CFAP57: variants seen among roughly 807,000 people sequenced by gnomAD.
The protein encoded by CFAP57 is cilia- and flagella-associated protein 57.
In CFAP57, 116 loss-of-function variants were observed where a neutral mutation model predicts 146.8. The observed-to-expected ratio is 0.79, with a 90% CI of 0.68 to 0.92. The LOEUF (loss-of-function observed/expected upper bound fraction) is 0.92, where lower values mean the gene tolerates loss of function less well. Ranked by LOEUF, CFAP57 falls within the 40% of genes least tolerant of loss-of-function variation. The pLI, the probability that CFAP57 is intolerant of heterozygous loss-of-function variation, is 0.00. For synonymous variants in CFAP57, 518 were observed against 552.8 expected, an observed-to-expected ratio of 0.94 and a Z score of 0.88; for missense variants, 1,377 against 1,527.2, an observed-to-expected ratio of 0.90 and a Z score of 1.64.
At chr1:43,222,739 A>T in intron 15 of CFAP57, 85 bp from the exon 16 acceptor site, 1 of 1,422,596 alleles carries the variant, frequency 7.0e-7, no homozygotes, top group South Asian at 1.6e-5. Flanking sequence ...ACAGGTCCCC[A>T]TGCTCATCTC....
chr1:43,174,001 A>G (rs1035807039), intron 2 of CFAP57, among the ~76,000 whole-genome samples: 15 of 152,240 alleles, frequency 9.9e-5, no homozygotes, highest in African/African-American at 3.1e-4. Flanking sequence ...GCATTTTGCT[A>G]TCATTAATGA....
At chr1:43,206,667 T>G in intron 9 of CFAP57, 53 bp from the exon 10 acceptor site, 1 of 1,586,176 alleles carries the variant, frequency 6.3e-7, no homozygotes, top group Non-Finnish European at 8.7e-7. Context: ...TTTTCTGTGT[T>G]AGGGTGTAAG....
At chr1:43,180,472 C>T (rs1569831454) in intron 2 of CFAP57, among the ~76,000 whole-genome samples, 1 of 151,874 alleles carries the variant, frequency 6.6e-6, no homozygotes, top group Non-Finnish European at 1.5e-5. Context: ...GGGCAGGGAG[C>T]GTGAGTGAGG....
At chr1:43,213,052 T>C (rs1474913651) in intron 11 of CFAP57, among the ~76,000 whole-genome samples, 1 of 152,164 alleles carries the variant, frequency 6.6e-6, no homozygotes, top group Non-Finnish European at 1.5e-5. Context: ...TCTTCCCTAG[T>C]ATCTATCATG....
intron 21 of CFAP57, among the ~76,000 whole-genome samples, chr1:43,239,425 C>G (rs1645824331): frequency 6.6e-6 from 1 of 150,446 alleles, no homozygotes; most frequent in Non-Finnish European, 1.5e-5. Flanking sequence ...CCAGAAATCC[C>G]AATCACAGTG....
At chr1:43,247,487 A>T (rs533962568) in intron 22 of CFAP57, among the ~76,000 whole-genome samples, 53 of 152,358 alleles carry the variant, frequency 3.5e-4, no homozygotes, top group African/African-American at 1.2e-3. Flanking sequence ...CATAGTGTGA[A>T]GCAATACAGG....
chr1:43,221,399 G>A lies in CFAP57; in HGVS notation c.2275G>A (p.Asp759Asn), dbSNP rs1382475095. The change falls in exon 14 of 23, where the codon GAT becomes AAT. Residue 759 changes from aspartate (D) to asparagine (N), a missense_variant. Coordinates refer to ENST00000372492, the MANE Select transcript of CFAP57 (RefSeq NM_001378189.1). ...CTTAAGAACAGAAAAAGAGAAGCAGGATGTTTATCACCATGAGCACATAGA... is the reference window on the plus strand; with the variant it reads ...CTTAAGAACAGAAAAAGAGAAGCAGAATGTTTATCACCATGAGCACATAGA... The part of the protein sequence containing the change: ...QVLRTEKEKQ[D>N]VYHHEHIEDL... 1.3e-6 allele frequency: 2 copies of A among 1,543,828 alleles called. No homozygotes were observed. Among genetic ancestry groups the A allele is most frequent in the South Asian group, 2.4e-5 (2 of 82,734 alleles).
chr1:43,206,600 T>C, intron 9 of CFAP57, 120 bp from the exon 10 acceptor site: 1 of 941,852 alleles, frequency 1.1e-6, no homozygotes, highest in African/African-American at 1.6e-5. Context: ...CAGAAGGGCC[T>C]ACAGCAGGAA....
intron 5 of CFAP57, among the ~76,000 whole-genome samples, chr1:43,185,621 C>T (rs1386263956): frequency 6.9e-6 from 1 of 144,124 alleles, no homozygotes; most frequent in Non-Finnish European, 1.5e-5. Context: ...GTGGGTGGGT[C>T]TCTTGAACTC....
chr1:43,221,654 T>G (rs1645048000), intron 14 of CFAP57, among the ~76,000 whole-genome samples, 189 bp downstream of exon 14: 1 of 152,194 alleles, frequency 6.6e-6, no homozygotes, highest in Admixed American at 6.5e-5. Context: ...CTAAGCACAT[T>G]AAACACCTAT....
chr1:43,207,014 A>T (rs2124476745), intron 10 of CFAP57, 82 bp downstream of exon 10: 1 of 1,442,686 alleles, frequency 6.9e-7, no homozygotes, highest in African/African-American at 1.4e-5. Flanking sequence ...CAAAGTATGC[A>T]CGGAATGAGG....
chr1:43,224,187 G>T lies in CFAP57; in HGVS notation c.2848G>T (p.Glu950Ter). 1 of 1,546,252 alleles carries T rather than the reference G, an allele frequency of 6.5e-7. No individual in the cohort carries two copies. Among genetic ancestry groups the T allele is most frequent in the Non-Finnish European group, 8.7e-7 (1 of 1,144,874 alleles). ...GLKREIQERDETIQDKEKRIY... is the reference protein window; with the variant it reads ...GLKREIQERD ...CAAGCGAGAGATCCAGGAAAGAGAC[G>T]AGACTATTCAAGACAAGGTGCAGCT... Residue 950 changes from glutamate to a stop codon, truncating the protein, a stop_gained, in exon 17 of 23, where the codon GAG becomes TAG. Transcript: ENST00000372492. LOFTEE classifies it high-confidence loss of function.
chr1:43,213,617 TG>T (rs1049575784), intron 11 of CFAP57, among the ~76,000 whole-genome samples: 4 of 152,120 alleles, frequency 2.6e-5, no homozygotes, highest in African/African-American at 7.2e-5. Context: ...TTAGTTTTTT[TG>T]AGAAGTCTAC....
At chr1:43,227,622 G>A (rs988567271) in intron 18 of CFAP57, among the ~76,000 whole-genome samples, 2 of 152,184 alleles carry the variant, frequency 1.3e-5, no homozygotes, top group Non-Finnish European at 2.9e-5. Flanking sequence ...TATGTTCTGG[G>A]AAGCAAACAG....
chr1:43,175,905 C>T (rs1277220828), intron 2 of CFAP57, among the ~76,000 whole-genome samples: 1 of 149,450 alleles, frequency 6.7e-6, no homozygotes, highest in Non-Finnish European at 1.5e-5. Context: ...AGATGTATCT[C>T]GTAGTTCATT....
In CFAP57 at chr1:43,197,599, C is replaced by G. The variant is rs1643919254; in HGVS notation, c.1169C>G (p.Ala390Gly). 3.1e-6 allele frequency: 5 copies of G among 1,613,998 alleles called. No homozygotes were observed. Residue 390 changes from alanine (A) to glycine (G), a missense_variant, in exon 7 of 23, where the codon GCA becomes GGA. Physicochemically the swap from Ala to Gly is moderately conservative, Grantham distance 60. Coordinates refer to ENST00000372492, the MANE Select transcript of CFAP57 (RefSeq NM_001378189.1). ...FEYLMYPLHSAPITGLATCIR... is the reference protein window; with the variant it reads ...FEYLMYPLHSGPITGLATCIR... ...TATTTGATGTATCCATTGCACTCAG[C>G]ACCCATCACCGGTCTAGCTACCTGC...
Position 43,210,815 on chromosome 1 carries a change from C to T in CFAP57, c.1929+899C>T, listed in dbSNP as rs946545168. ...GTACACTTGAAAATGGTTAAGATAG[C>T]AAATTTTACAGAATATGTATTTTAC... On this transcript the variant is annotated intron_variant, in intron 11 of 22. Coordinates refer to ENST00000372492, the MANE Select transcript of CFAP57 (RefSeq NM_001378189.1). The T allele has an allele frequency of 6.6e-5, 10 of 151,428 alleles. No individual in the cohort carries two copies. Among genetic ancestry groups the T allele is most frequent in the African/African-American group, 2.2e-4 (9 of 41,134 alleles). The allele number at this position is 151,428 out of a possible 1,614,324, so 9.4% of individuals were successfully genotyped here. A position where few individuals can be genotyped will look rare whatever the true frequency, so the allele number is the denominator to read the frequency against.
At chr1:43,252,309 AG>A (rs1646344762) in intron 22 of CFAP57, among the ~76,000 whole-genome samples, 1 of 152,222 alleles carries the variant, frequency 6.6e-6, no homozygotes, top group Admixed American at 6.5e-5. Context: ...GATGAAGGAA[AG>A]AAAAAACTTC....
intron 22 of CFAP57, among the ~76,000 whole-genome samples, chr1:43,249,591 A>C (rs1313515492): frequency 1.4e-4 from 17 of 119,392 alleles, no homozygotes; most frequent in African/African-American, 4.8e-4. Context: ...CACCACACCC[A>C]GCTAACTTTT....
Sources: allele counts gnomAD v4.1 joint callset (sites outside exome capture counted in the v4.1 genomes callset), GRCh38; gene constraint gnomAD v4.1.1; transcripts MANE v1.5; gene names NCBI Gene and HGNC (gene_info 2026-07-23, HGNC 2026-07-21).